DLC1: variants seen among roughly 807,000 people sequenced by gnomAD.
DLC1 encodes DLC1 Rho GTPase activating protein.
DLC1 carries 54 observed loss-of-function variants against 140.3 expected under a neutral mutation model. That is an observed-to-expected ratio of 0.38 (90% CI 0.31 to 0.48). DLC1 has a LOEUF of 0.48. DLC1 is among the 20% of genes least tolerant of loss of function. The pLI is 0.96. For missense variants in DLC1, 2,536 were observed against 1,907.0 expected, an observed-to-expected ratio of 1.33 and a Z score of -6.14; for synonymous variants, 986 against 728.1, an observed-to-expected ratio of 1.35 and a Z score of -5.70.
intron 1 of DLC1, among the ~76,000 whole-genome samples, chr8:13,537,689 T>C (rs916704081): frequency 5.6e-5 from 8 of 143,390 alleles, no homozygotes; most frequent in African/African-American, 2.1e-4. Flanking sequence ...AGTCTCTCTC[T>C]GTCACCCAGG....
At chr8:13,224,403 C>T (rs1828694087) in intron 5 of DLC1, among the ~76,000 whole-genome samples, 1 of 152,146 alleles carries the variant, frequency 6.6e-6, no homozygotes, top group Admixed American at 6.6e-5. Flanking sequence ...ACAGTCTCAA[C>T]TGTTTATTAA....
chr8:13,152,357 T>C (rs1585781017), intron 5 of DLC1, among the ~76,000 whole-genome samples: 1 of 152,332 alleles, frequency 6.6e-6, no homozygotes, highest in East Asian at 1.9e-4. Flanking sequence ...GATTAAACTC[T>C]GTAATTCTGA....
chr8:13,248,599 C>A (rs1415295138), intron 5 of DLC1, among the ~76,000 whole-genome samples: 1 of 152,186 alleles, frequency 6.6e-6, no homozygotes, highest in Non-Finnish European at 1.5e-5. Context: ...GGACACCCCC[C>A]ACATGGTGTA....
Position 13,094,655 on chromosome 8 carries a change from G to C in DLC1, c.3526+104C>G, listed in dbSNP as rs1818355245. ...CACTCCAGCCTGGATGACAGAGCGAGACTCCATCTCAAAAAAAAAAAGAAT... is the reference window on the plus strand; with the variant it reads ...CACTCCAGCCTGGATGACAGAGCGACACTCCATCTCAAAAAAAAAAAGAAT... On this transcript the variant is annotated intron_variant, in intron 12 of 17. Transcript: ENST00000276297. 1.1e-5 allele frequency: 14 copies of C among 1,331,146 alleles called. No homozygotes were observed. In the South Asian group the frequency reaches 1.7e-4, roughly 17 times the overall value. The allele number at this position is 1,331,146 out of a possible 1,614,324, so 82.5% of individuals were successfully genotyped here. A position where few individuals can be genotyped will look rare whatever the true frequency, so the allele number is the denominator to read the frequency against.
At chr8:13,306,998 C>G (rs1379548402) in intron 4 of DLC1, among the ~76,000 whole-genome samples, 1 of 147,118 alleles carries the variant, frequency 6.8e-6, no homozygotes, top group African/African-American at 2.5e-5. Context: ...GCAGGAGAAC[C>G]TCTTGAACCC....
chr8:13,499,961 A>G lies in DLC1; in HGVS notation c.111T>C (p.Ala37=). 1 of 1,614,116 alleles carries G rather than the reference A, an allele frequency of 6.2e-7. No homozygotes were observed. The highest frequency in any genetic ancestry group is 8.5e-7 in the Non-Finnish European group (1 of 1,179,992). The change falls in exon 2 of 18, where the codon GCT becomes GCC. Residue 37 remains alanine (A), a synonymous_variant. Transcript: ENST00000276297. ...TTTCCATACTTGCCTGCAAGCTGTC[A>G]GCTACTAGTCCATGATGACATGCTG... ...RNTACHHGLV[A]DSLQASMEKD...
chr8:13,343,170 T>C (rs1834156948), intron 4 of DLC1, among the ~76,000 whole-genome samples: 1 of 152,246 alleles, frequency 6.6e-6, no homozygotes, highest in African/African-American at 2.4e-5. Context: ...GGTGAATTTA[T>C]GATTCTTCAG....
chr8:13,587,486 A>T (rs574805003), intron 1 of DLC1, among the ~76,000 whole-genome samples: 2 of 150,580 alleles, frequency 1.3e-5, no homozygotes, highest in African/African-American at 4.9e-5. Flanking sequence ...TAGAATCTGA[A>T]CCACTGGTGT....
chr8:13,097,572 T>C (rs1818611771), intron 10 of DLC1, among the ~76,000 whole-genome samples: 1 of 152,098 alleles, frequency 6.6e-6, no homozygotes, highest in Non-Finnish European at 1.5e-5. Flanking sequence ...CCCAAAATGA[T>C]TTCTAAAAAC....
At chr8:13,145,949 A>T (rs1301499508) in intron 5 of DLC1, among the ~76,000 whole-genome samples, 1 of 152,114 alleles carries the variant, frequency 6.6e-6, no homozygotes, top group Non-Finnish European at 1.5e-5. Context: ...GTGTTGTATT[A>T]TTGTGCCTCA....
chr8:13,379,196 C>T (rs560868348), intron 4 of DLC1, among the ~76,000 whole-genome samples: 4 of 152,180 alleles, frequency 2.6e-5, no homozygotes, highest in Admixed American at 6.5e-5. Context: ...TTCCTGTGTC[C>T]ATGCTGCTGA....
intron 4 of DLC1, among the ~76,000 whole-genome samples, chr8:13,317,534 T>C (rs1832906874): frequency 6.6e-6 from 1 of 152,140 alleles, no homozygotes; most frequent in South Asian, 2.1e-4. Context: ...TAAATTCGAA[T>C]TCTAGGAGAA....
At chr8:13,570,454 C>G (rs1804612017) in intron 1 of DLC1, among the ~76,000 whole-genome samples, 1 of 119,554 alleles carries the variant, frequency 8.4e-6, no homozygotes, top group African/African-American at 3.2e-5. Context: ...CCTCCCCCCA[C>G]CCCACCACAG....
At chr8:13,594,084 C>A (rs1805608144) in intron 1 of DLC1, among the ~76,000 whole-genome samples, 1 of 151,976 alleles carries the variant, frequency 6.6e-6, no homozygotes, top group South Asian at 2.1e-4. Context: ...TCGCTTGAGT[C>A]CAGGAAGTTG....
intron 1 of DLC1, among the ~76,000 whole-genome samples, chr8:13,525,132 A>G (rs1187518677): frequency 6.6e-6 from 1 of 152,158 alleles, no homozygotes; most frequent in Non-Finnish European, 1.5e-5. Flanking sequence ...TAGCATAATT[A>G]TTTTGAGATC....
At position 13,124,396 on chromosome 8, in the gene DLC1, G is replaced by A. The variant is rs550990925; in HGVS notation, c.1349-8739C>T. 3.9e-4 allele frequency among the ~76,000 whole-genome samples: 60 copies of A among 152,300 alleles called. No homozygotes were observed. The South Asian group carries it at 0.012, about 31-fold the overall frequency. On this transcript the variant is annotated intron_variant, in intron 5 of 17. Coordinates refer to ENST00000276297, the MANE Select transcript of DLC1 (RefSeq NM_182643.3). Reference sequence around the variant, plus strand: ...AGGTAAGCTGGGAAGCAGAAGTGTTGGGAGGAATGCAGTCTGGATTTACTA... The same window carrying A: ...AGGTAAGCTGGGAAGCAGAAGTGTTAGGAGGAATGCAGTCTGGATTTACTA...
intron 5 of DLC1, among the ~76,000 whole-genome samples, chr8:13,125,409 G>T (rs544691663): frequency 6.6e-6 from 1 of 152,240 alleles, no homozygotes; most frequent in Non-Finnish European, 1.5e-5. Flanking sequence ...TTGAGAGGAA[G>T]AAAACACTTC....
intron 2 of DLC1, among the ~76,000 whole-genome samples, chr8:13,418,591 A>T (rs1252424515): frequency 6.6e-6 from 1 of 152,198 alleles, no homozygotes; most frequent in African/African-American, 2.4e-5. Context: ...TTTTGGTACC[A>T]GTACCATGCT....
intron 5 of DLC1, among the ~76,000 whole-genome samples, chr8:13,216,066 C>T (rs927359623): frequency 1.3e-5 from 2 of 152,164 alleles, no homozygotes; most frequent in African/African-American, 2.4e-5. Context: ...GTGAACCTTC[C>T]GAAGAGTCAC....
Sources: gnomAD v4.1 joint callset for allele counts (sites outside exome capture counted in the v4.1 genomes callset) on GRCh38, gnomAD v4.1.1 for gene constraint, MANE v1.5 for transcripts, NCBI Gene and HGNC (gene_info 2026-07-23, HGNC 2026-07-21) for gene names.